Variants in CNOT1 observed in about 807,000 individuals in gnomAD.
CNOT1 encodes CCR4-NOT transcription complex subunit 1.
In CNOT1, 15 loss-of-function variants were observed where a neutral mutation model predicts 273.8. The observed-to-expected ratio is 0.05, with a 90% CI of 0.04 to 0.08. The LOEUF is 0.08. CNOT1 is among the 10% of genes least tolerant of loss of function. The pLI is 1.00. For synonymous variants in CNOT1, 1,022 were observed against 1,005.5 expected (o/e 1.02, Z -0.31); for missense variants, 1,644 against 2,912.2 (o/e 0.56, Z 10.02).
chr16:58,540,885 T>C (rs2040072624), intron 34 of CNOT1, among the ~76,000 whole-genome samples: 1 of 152,214 alleles, frequency 6.6e-6, no homozygotes, highest in African/African-American at 2.4e-5. Flanking sequence ...TAAACACCTT[T>C]GAAAATTTTA....
intron 16 of CNOT1, among the ~76,000 whole-genome samples, chr16:58,564,840 G>C (rs2040983355): frequency 1.3e-5 from 2 of 152,084 alleles, no homozygotes; most frequent in Non-Finnish European, 2.9e-5. Flanking sequence ...GGAGGCTGAG[G>C]CAGGAGAATC....
chr16:58,601,242 C>G (rs1405957456), intron 1 of CNOT1, among the ~76,000 whole-genome samples: 1 of 152,130 alleles, frequency 6.6e-6, no homozygotes, highest in Non-Finnish European at 1.5e-5. Context: ...AAGCATGAGC[C>G]ATGGAGCCCA....
intron 1 of CNOT1, among the ~76,000 whole-genome samples, chr16:58,625,748 A>G (rs1424290834): frequency 6.6e-6 from 1 of 151,006 alleles, no homozygotes; most frequent in Non-Finnish European, 1.5e-5. Context: ...AGTCCCAGCT[A>G]CTCAGGGGCT....
intron 22 of CNOT1, 59 bp from the exon 23 acceptor site, chr16:58,551,878 T>A: frequency 6.3e-7 from 1 of 1,591,174 alleles, no homozygotes; most frequent in Non-Finnish European, 8.6e-7. Context: ...GGATTATACG[T>A]CCCTCTTTTC....
chr16:58,593,254 T>C (rs2042125746), intron 2 of CNOT1, among the ~76,000 whole-genome samples: 1 of 151,944 alleles, frequency 6.6e-6, no homozygotes, highest in Admixed American at 6.6e-5. Context: ...TGAAACCCAG[T>C]TCCTACTAAA....
chr16:58,593,561 C>T (rs2042139047), intron 2 of CNOT1, among the ~76,000 whole-genome samples: 1 of 90,802 alleles, frequency 1.1e-5, no homozygotes, highest in African/African-American at 5.2e-5. Flanking sequence ...GAAACTCCGT[C>T]TCAAGGGAAA....
intron 47 of CNOT1, 112 bp downstream of exon 47, chr16:58,523,258 A>G (rs934645928): frequency 4.3e-5 from 55 of 1,267,812 alleles, no homozygotes; most frequent in Non-Finnish European, 5.7e-5. Flanking sequence ...AAAACAAAAA[A>G]AAAACCAACC....
intron 33 of CNOT1, 65 bp from the exon 34 acceptor site, chr16:58,541,685 T>A (rs1386897578): frequency 6.5e-7 from 1 of 1,542,774 alleles, no homozygotes; most frequent in Non-Finnish European, 8.9e-7. Context: ...GTTTTGAAAG[T>A]GGAAAGTCTG....
At chr16:58,579,024 A>G in intron 12 of CNOT1, 85 bp from the exon 13 acceptor site, 2 of 1,524,132 alleles carry the variant, frequency 1.3e-6, no homozygotes, top group Admixed American at 2.0e-5. Context: ...CCAGCTTGTA[A>G]GCACAAAACC....
At chr16:58,571,287 G>A (rs2041263753) in intron 16 of CNOT1, among the ~76,000 whole-genome samples, 1 of 152,194 alleles carries the variant, frequency 6.6e-6, no homozygotes, top group Non-Finnish European at 1.5e-5. Context: ...CGGGCACGGT[G>A]GCTCATGACC....
chr16:58,611,652 C>T (rs2042904796), intron 1 of CNOT1, among the ~76,000 whole-genome samples: 1 of 151,870 alleles, frequency 6.6e-6, no homozygotes, highest in African/African-American at 2.4e-5. Flanking sequence ...GAAACCTTGT[C>T]TCTACTAAAA....
chr16:58,568,593 T>C (rs1423145862), intron 16 of CNOT1, among the ~76,000 whole-genome samples: 1 of 151,676 alleles, frequency 6.6e-6, no homozygotes, highest in East Asian at 1.9e-4. Flanking sequence ...GGCAGGAGAA[T>C]CGCTTGAACC....
rs199772894 is a variant in CNOT1, at chr16:58,543,876, A to G, written c.4165T>C (p.Leu1389=). ...TIPLFQAHPQ[L]KQCVRQAIER... is the part of the protein sequence containing the mutation. ...ATTGCCTGACGCACACACTGCTTCA[A>G]CTGTGGATGGGCCTGAAACAAGGGA... The change falls in exon 31 of 49, where the codon TTG becomes CTG. Residue 1389 remains leucine, a synonymous_variant. Transcript: ENST00000317147. 38 of 1,612,692 alleles carry G rather than the reference A, an allele frequency of 2.4e-5. 1 individual carries two copies. The highest frequency in any genetic ancestry group is 1.8e-4 in the South Asian group (16 of 90,984).
chr16:58,521,858 G>A (rs1479272928), intron 47 of CNOT1, among the ~76,000 whole-genome samples: 1 of 152,044 alleles, frequency 6.6e-6, no homozygotes, highest in Non-Finnish European at 1.5e-5. Context: ...CGCTGAGGCA[G>A]GAGAATCGCT....
At chr16:58,564,234 T>C (rs1360392746) in intron 16 of CNOT1, among the ~76,000 whole-genome samples, 1 of 152,176 alleles carries the variant, frequency 6.6e-6, no homozygotes, top group Non-Finnish European at 1.5e-5. Context: ...GGTAGAGGTA[T>C]CAGAGTTCAA....
chr16:58,587,636 A>AT, intron 4 of CNOT1, 144 bp downstream of exon 4: 1 of 1,117,774 alleles, frequency 8.9e-7, no homozygotes, highest in Non-Finnish European at 1.2e-6. Flanking sequence ...AACTGCCTTG[A>AT]TTTTGTTACA....
Position 58,526,165 on chromosome 16 carries a change from C to T in CNOT1, c.6454-27G>A, listed in dbSNP as rs777021995. 3.1e-6 allele frequency: 5 copies of T among 1,612,198 alleles called. No individual in the cohort carries two copies. The South Asian group carries it at 5.5e-5, about 18-fold the overall frequency. On this transcript the variant is annotated intron_variant, in intron 44 of 48. Coordinates refer to ENST00000317147, the MANE Select transcript of CNOT1 (RefSeq NM_016284.5). ...TGCCACAGATAAAATGCAAGAATCA[C>T]AAGCAGAATCATTTTTATTAGTAAA...
chr16:58,614,071 G>T (rs1416274077), intron 1 of CNOT1, among the ~76,000 whole-genome samples: 1 of 96,184 alleles, frequency 1.0e-5, no homozygotes, highest in African/African-American at 3.8e-5. Context: ...CAGCCTGGGC[G>T]ACAGGGCGAG....
chr16:58,588,961 AG>A (rs2041963510), intron 2 of CNOT1, 55 bp from the exon 3 acceptor site: 1 of 1,490,772 alleles, frequency 6.7e-7, no homozygotes, highest in Non-Finnish European at 9.0e-7. Flanking sequence ...AAAAAAAAAA[AG>A]TAAGGTTTCA....
Sources: gnomAD v4.1 joint callset for allele counts (sites outside exome capture counted in the v4.1 genomes callset) on GRCh38, gnomAD v4.1.1 for gene constraint, MANE v1.5 for transcripts, NCBI Gene and HGNC (gene_info 2026-07-23, HGNC 2026-07-21) for gene names.